ZNF385D: variants seen among roughly 807,000 people sequenced by gnomAD.
ZNF385D encodes the protein zinc finger protein 659.
Under a neutral mutation model 35.8 loss-of-function variants are expected in ZNF385D, and 15 were observed. The ratio of observed to expected loss-of-function variants is 0.42; its 90% CI spans 0.28 to 0.64. The LOEUF (loss-of-function observed/expected upper bound fraction) is 0.64, where lower values mean the gene tolerates loss of function less well. Ranked by LOEUF, ZNF385D falls within the 30% of genes least tolerant of loss-of-function variation. ZNF385D has a pLI of 0.23. For synonymous variants in ZNF385D, 212 were observed against 186.8 expected (o/e 1.13, Z -1.10); for missense variants, 474 against 494.6 (o/e 0.96, Z 0.39).
At chr3:21,810,605 A>T (rs1233438666) in intron 3 of ZNF385D, among the ~76,000 whole-genome samples, 1 of 152,094 alleles carries the variant, frequency 6.6e-6, no homozygotes, top group African/African-American at 2.4e-5. Context: ...AAACTAATAA[A>T]ATTAGTTACT....
chr3:22,210,023 C>A (rs890778498), intron 2 of ZNF385D, among the ~76,000 whole-genome samples: 1 of 151,504 alleles, frequency 6.6e-6, no homozygotes, highest in Non-Finnish European at 1.5e-5. Context: ...TATTCAATAT[C>A]ATATTTTGCC....
At chr3:21,890,922 T>C (rs1245243506) in intron 3 of ZNF385D, among the ~76,000 whole-genome samples, 1 of 152,160 alleles carries the variant, frequency 6.6e-6, no homozygotes, top group African/African-American at 2.4e-5. Context: ...GTTTTTGGTC[T>C]CCAACAGTAT....
chr3:22,178,057 G>A (rs562380228), intron 2 of ZNF385D, among the ~76,000 whole-genome samples: 14 of 152,262 alleles, frequency 9.2e-5, no homozygotes, highest in Admixed American at 9.2e-4. Context: ...GTGTACATGT[G>A]TCTTTATAGC....
chr3:21,800,378 C>A (rs2125682924), intron 3 of ZNF385D, among the ~76,000 whole-genome samples: 1 of 152,284 alleles, frequency 6.6e-6, no homozygotes, highest in South Asian at 2.1e-4. Flanking sequence ...AATCCATTAA[C>A]ATGGAATTTC....
At chr3:22,304,646 C>G (rs1703105454) in intron 2 of ZNF385D, among the ~76,000 whole-genome samples, 1 of 152,078 alleles carries the variant, frequency 6.6e-6, no homozygotes, top group African/African-American at 2.4e-5. Flanking sequence ...ACAATGATTA[C>G]CATATAATGA....
At chr3:22,012,463 C>G (rs1696637794) in intron 3 of ZNF385D, among the ~76,000 whole-genome samples, 1 of 152,150 alleles carries the variant, frequency 6.6e-6, no homozygotes, top group African/African-American at 2.4e-5. Context: ...CTCCCTCCCT[C>G]TGTAACTCCC....
At chr3:21,914,863 A>T (rs1006251487) in intron 3 of ZNF385D, among the ~76,000 whole-genome samples, 5 of 151,946 alleles carry the variant, frequency 3.3e-5, no homozygotes, top group Admixed American at 2.0e-4. Flanking sequence ...ATGTTGTGGT[A>T]AATTACTTTG....
At chr3:21,581,307 C>T (rs775431936) in intron 2 of ZNF385D, among the ~76,000 whole-genome samples, 1 of 152,122 alleles carries the variant, frequency 6.6e-6, no homozygotes, top group Non-Finnish European at 1.5e-5. Flanking sequence ...TCCTATCTCT[C>T]CCTCCAAATG....
intron 3 of ZNF385D, among the ~76,000 whole-genome samples, chr3:21,992,246 C>G (rs1225624294): frequency 6.6e-6 from 1 of 151,986 alleles, no homozygotes; most frequent in Non-Finnish European, 1.5e-5. Context: ...AGTCAAAGAT[C>G]AGAAAAGCCC....
chr3:22,076,628 C>T (rs560880533), intron 3 of ZNF385D, among the ~76,000 whole-genome samples: 7 of 152,010 alleles, frequency 4.6e-5, no homozygotes, highest in Admixed American at 3.9e-4. Context: ...CACAAGGACA[C>T]GTCTGTGGTT....
At chr3:21,812,951 G>T (rs2072994744) in intron 3 of ZNF385D, among the ~76,000 whole-genome samples, 1 of 152,186 alleles carries the variant, frequency 6.6e-6, no homozygotes, top group South Asian at 2.1e-4. Context: ...CCCAGTACGG[G>T]CCAACTGACA....
intron 3 of ZNF385D, among the ~76,000 whole-genome samples, chr3:21,851,618 A>C (rs1048280173): frequency 3.3e-5 from 5 of 152,000 alleles, no homozygotes; most frequent in African/African-American, 1.2e-4. Flanking sequence ...TGTGGTCATG[A>C]CTCCATATGT....
intron 3 of ZNF385D, among the ~76,000 whole-genome samples, chr3:21,800,526 C>T (rs1326830784): frequency 1.3e-5 from 2 of 152,216 alleles, no homozygotes; most frequent in East Asian, 3.9e-4. Context: ...TAGTCTCAGC[C>T]ACTACGGAGG....
chr3:21,629,764 C>CA (rs1272274095), intron 2 of ZNF385D, among the ~76,000 whole-genome samples: 1 of 152,122 alleles, frequency 6.6e-6, no homozygotes, highest in East Asian at 1.9e-4. Flanking sequence ...ATACACATCA[C>CA]AAACTCATCT....
intron 4 of ZNF385D, among the ~76,000 whole-genome samples, chr3:21,489,819 G>A (rs1343839745): frequency 6.6e-6 from 1 of 152,104 alleles, no homozygotes; most frequent in East Asian, 1.9e-4. Context: ...ACATTGTGAA[G>A]CTCCTGGTTG....
intron 3 of ZNF385D, among the ~76,000 whole-genome samples, chr3:21,962,747 A>T (rs1379455806): frequency 6.6e-6 from 1 of 152,120 alleles, no homozygotes; most frequent in Non-Finnish European, 1.5e-5. Context: ...TCTGTCTTAT[A>T]ATTTCGTTGC....
At chr3:21,449,915 T>A (rs1426777775) in intron 4 of ZNF385D, among the ~76,000 whole-genome samples, 1 of 152,144 alleles carries the variant, frequency 6.6e-6, no homozygotes, top group African/African-American at 2.4e-5. Flanking sequence ...GCCTGATACT[T>A]GAAAGGCTGT....
intron 3 of ZNF385D, among the ~76,000 whole-genome samples, chr3:21,528,684 C>A (rs2061845608): frequency 6.6e-6 from 1 of 152,162 alleles, no homozygotes; most frequent in Non-Finnish European, 1.5e-5. Flanking sequence ...ACTTAAGTAT[C>A]TAATTTGTTA....
chr3:21,857,924 T>C (rs1287573919), intron 3 of ZNF385D, among the ~76,000 whole-genome samples: 5 of 151,880 alleles, frequency 3.3e-5, no homozygotes, highest in Non-Finnish European at 1.5e-5. Flanking sequence ...GTCCTTTAAA[T>C]ACAGTTTCAA....
Sources: gnomAD v4.1 joint callset for allele counts (sites outside exome capture counted in the v4.1 genomes callset) on GRCh38, gnomAD v4.1.1 for gene constraint, MANE v1.5 for transcripts, NCBI Gene and HGNC (gene_info 2026-07-23, HGNC 2026-07-21) for gene names.